GULP1: variants seen among roughly 807,000 people sequenced by gnomAD.
GULP1 encodes the protein GULP PTB domain containing engulfment adaptor 1.
In GULP1, 19 loss-of-function variants were observed where a neutral mutation model predicts 40.9. That is an observed-to-expected ratio of 0.46 (90% confidence interval 0.32 to 0.68). The LOEUF (loss-of-function observed/expected upper bound fraction) is 0.68. GULP1 is among the 30% of genes least tolerant of loss of function. GULP1 has a pLI of 0.03. For synonymous variants in GULP1, 119 were observed against 117.6 expected, an observed-to-expected ratio of 1.01 and a Z score of -0.08; for missense variants, 312 against 362.2, an observed-to-expected ratio of 0.86 and a Z score of 1.12.
intron 7 of GULP1, among the ~76,000 whole-genome samples, chr2:188,567,823 A>G (rs1698120587): frequency 6.6e-6 from 1 of 152,196 alleles, no homozygotes; most frequent in Non-Finnish European, 1.5e-5. Flanking sequence ...GAAACCTATT[A>G]CCCAAAGTTT....
chr2:188,377,564 C>T (rs2048456173), intron 1 of GULP1, among the ~76,000 whole-genome samples: 1 of 152,154 alleles, frequency 6.6e-6, no homozygotes, highest in African/African-American at 2.4e-5. Flanking sequence ...TTCTGCACCC[C>T]TACCAATTGG....
intron 10 of GULP1, among the ~76,000 whole-genome samples, chr2:188,586,857 ATAT>A (rs1156865541): frequency 2.6e-5 from 4 of 151,850 alleles, no homozygotes; most frequent in African/African-American, 4.8e-5. Context: ...AGTAGCATAA[ATAT>A]TATTTCTTTT....
intron 2 of GULP1, among the ~76,000 whole-genome samples, chr2:188,473,046 G>A (rs966822338): frequency 6.6e-6 from 1 of 152,208 alleles, no homozygotes; most frequent in Non-Finnish European, 1.5e-5. Flanking sequence ...TAGAGATACT[G>A]CCCTGATGGT....
chr2:188,395,651 G>A (rs995744343), intron 2 of GULP1, among the ~76,000 whole-genome samples: 2 of 152,120 alleles, frequency 1.3e-5, no homozygotes, highest in African/African-American at 4.8e-5. Context: ...TGTCCCATGA[G>A]GTGTTCCCTT....
At chr2:188,405,664 C>A (rs2052976186) in intron 2 of GULP1, among the ~76,000 whole-genome samples, 1 of 152,194 alleles carries the variant, frequency 6.6e-6, no homozygotes, top group Admixed American at 6.5e-5. Context: ...AGGCCCCAAG[C>A]TTACATTCAG....
At chr2:188,418,779 C>G (rs2054940789) in intron 2 of GULP1, among the ~76,000 whole-genome samples, 1 of 152,120 alleles carries the variant, frequency 6.6e-6, no homozygotes, top group Admixed American at 6.5e-5. Context: ...ATGTGTAATA[C>G]ATTATTGTTG....
intron 5 of GULP1, among the ~76,000 whole-genome samples, chr2:188,524,604 A>T (rs189945697): frequency 0.028 from 3,915 of 139,780 alleles, 183 homozygotes; most frequent in African/African-American, 0.092. Flanking sequence ...ATATATATAT[A>T]TTTTTTTTTT....
At chr2:188,315,819 C>T (rs1031083494) in intron 1 of GULP1, among the ~76,000 whole-genome samples, 1 of 151,648 alleles carries the variant, frequency 6.6e-6, no homozygotes, top group Non-Finnish European at 1.5e-5. Context: ...TGGTAATGTA[C>T]GGTAATAAAA....
Position 188,364,856 on chromosome 2 carries a change from A to G in GULP1, c.-171-18907A>G, listed in dbSNP as rs944350397. ...GATCCAAGTATATATGTATCCACAA[A>G]CACACACACACACATATACACACAC... On this transcript the variant is annotated intron_variant, in intron 1 of 11. Coordinates refer to ENST00000409830, the MANE Select transcript of GULP1 (RefSeq NM_016315.4). Among the ~76,000 whole-genome samples the G allele has an allele frequency of 6.3e-5, 8 of 127,986 alleles. No individual in the cohort carries two copies. In the East Asian group the frequency reaches 1.8e-3, roughly 28 times the overall value. The allele number at this position is 127,986 out of a possible 152,430, so 84.0% of individuals were successfully genotyped here. A position where few individuals can be genotyped will look rare whatever the true frequency, so the allele number is the denominator to read the frequency against.
At chr2:188,328,789 G>T (rs2041126198) in intron 1 of GULP1, among the ~76,000 whole-genome samples, 1 of 152,100 alleles carries the variant, frequency 6.6e-6, no homozygotes, top group Non-Finnish European at 1.5e-5. Context: ...CTTGCCAGGG[G>T]GATGGAGTGT....
intron 2 of GULP1, among the ~76,000 whole-genome samples, chr2:188,437,478 T>A (rs538818829): frequency 6.6e-6 from 1 of 152,214 alleles, no homozygotes; most frequent in East Asian, 1.9e-4. Flanking sequence ...AAATACTTTT[T>A]TAAAAATGAG....
chr2:188,459,464 G>A (rs2059533080), intron 2 of GULP1, among the ~76,000 whole-genome samples: 1 of 152,034 alleles, frequency 6.6e-6, no homozygotes, highest in Non-Finnish European at 1.5e-5. Context: ...ATCATTTTGT[G>A]TCTCCTTTTG....
At chr2:188,358,742 G>A (rs1439927592) in intron 1 of GULP1, among the ~76,000 whole-genome samples, 1 of 152,058 alleles carries the variant, frequency 6.6e-6, no homozygotes, top group Non-Finnish European at 1.5e-5. Context: ...CCTAATTCTT[G>A]CACAGTATTT....
intron 6 of GULP1, among the ~76,000 whole-genome samples, chr2:188,535,114 G>A (rs1191039225): frequency 2.0e-5 from 3 of 150,796 alleles, no homozygotes; most frequent in Non-Finnish European, 3.0e-5. Flanking sequence ...TAAATTAATA[G>A]TAAATTACTA....
chr2:188,308,920 G>A lies in GULP1; in HGVS notation c.-172+16754G>A, dbSNP rs116500224. On this transcript the variant is annotated intron_variant, in intron 1 of 11. Transcript: ENST00000409830. ...GTACATTTTCATGGAGCTTTTTCTTGTGTGTTCCCTCCCTTAGCCCCCAGA... is the reference window on the plus strand; with the variant it reads ...GTACATTTTCATGGAGCTTTTTCTTATGTGTTCCCTCCCTTAGCCCCCAGA... Among the ~76,000 whole-genome samples, 1,185 of 152,126 alleles carry A rather than the reference G, an allele frequency of 7.8e-3. 19 individuals are homozygous for A. The highest frequency in any genetic ancestry group is 0.027 in the African/African-American group (1,138 of 41,496).
intron 2 of GULP1, among the ~76,000 whole-genome samples, chr2:188,426,142 A>C (rs757638804): frequency 6.6e-6 from 1 of 152,214 alleles, no homozygotes; most frequent in South Asian, 2.1e-4. Context: ...AAGGCTGGAC[A>C]TATCACAGTG....
chr2:188,427,411 C>T (rs2056342014), intron 2 of GULP1, among the ~76,000 whole-genome samples: 1 of 152,176 alleles, frequency 6.6e-6, no homozygotes, highest in South Asian at 2.1e-4. Context: ...GAAGGCATTT[C>T]GGAGACATTT....
At chr2:188,346,898 G>C (rs1208666417) in intron 1 of GULP1, among the ~76,000 whole-genome samples, 1 of 151,008 alleles carries the variant, frequency 6.6e-6, no homozygotes, top group African/African-American at 2.4e-5. Flanking sequence ...TGGAACCCGG[G>C]AGGCAGAGCT....
intron 5 of GULP1, among the ~76,000 whole-genome samples, chr2:188,524,348 G>T (rs961548099): frequency 1.3e-5 from 2 of 151,976 alleles, no homozygotes; most frequent in African/African-American, 4.8e-5. Context: ...TTCATGTTTA[G>T]AAATGTACTC....
Sources: gnomAD v4.1 joint callset for allele counts (sites outside exome capture counted in the v4.1 genomes callset) on GRCh38, gnomAD v4.1.1 for gene constraint, MANE v1.5 for transcripts, NCBI Gene and HGNC (gene_info 2026-07-23, HGNC 2026-07-21) for gene names.